TLK1: variants seen among roughly 807,000 people sequenced by gnomAD.
TLK1 encodes serine/threonine-protein kinase tousled-like 1.
A neutral mutation model predicts 105.3 loss-of-function variants in TLK1; 24 were observed. The ratio of observed to expected loss-of-function variants is 0.23; its 90% CI spans 0.17 to 0.32. The LOEUF (loss-of-function observed/expected upper bound fraction) is 0.32. Among genes scored for constraint, TLK1 ranks in the 10% least tolerant of loss-of-function variants. The pLI is 1.00. For synonymous variants in TLK1, 321 were observed against 310.4 expected (o/e 1.03, Z -0.36); for missense variants, 558 against 910.5 (o/e 0.61, Z 4.98).
chr2:171,098,418 G>T (rs1453180714), intron 2 of TLK1, among the ~76,000 whole-genome samples: 2 of 152,030 alleles, frequency 1.3e-5, no homozygotes, highest in African/African-American at 4.8e-5. Context: ...TAGAAAGGTA[G>T]AAATAAATAA....
At chr2:171,073,870 A>AT (rs917739767) in intron 3 of TLK1, among the ~76,000 whole-genome samples, 2 of 63,218 alleles carry the variant, frequency 3.2e-5, no homozygotes, top group African/African-American at 7.2e-5. Context: ...TAAACTTAAC[A>AT]TTCCCCCCCC....
At chr2:171,167,112 G>C (rs1692624537) in intron 1 of TLK1, among the ~76,000 whole-genome samples, 1 of 152,178 alleles carries the variant, frequency 6.6e-6, no homozygotes, top group African/African-American at 2.4e-5. Flanking sequence ...GGAACTCAGA[G>C]GGACTTCAAA....
At chr2:171,140,346 A>G (rs990632185) in intron 1 of TLK1, among the ~76,000 whole-genome samples, 1 of 152,254 alleles carries the variant, frequency 6.6e-6, no homozygotes, top group Non-Finnish European at 1.5e-5. Flanking sequence ...CTCTACTTCT[A>G]GAGATCAGGC....
chr2:171,054,797 C>A (rs939230718), intron 7 of TLK1: 7 of 206,806 alleles, frequency 3.4e-5, no homozygotes, highest in Non-Finnish European at 6.7e-5. Context: ...AAAAATACAG[C>A]AGTTTCACAA....
At chr2:171,144,329 G>C (rs1242097026) in intron 1 of TLK1, among the ~76,000 whole-genome samples, 1 of 151,872 alleles carries the variant, frequency 6.6e-6, no homozygotes, top group Non-Finnish European at 1.5e-5. Context: ...AGATGGAAAA[G>C]ACAGCTAGAG....
chr2:171,228,456 T>G (rs1389179357), intron 1 of TLK1, among the ~76,000 whole-genome samples: 2 of 151,998 alleles, frequency 1.3e-5, no homozygotes, highest in Non-Finnish European at 2.9e-5. Flanking sequence ...GAGGCTGAGG[T>G]GGGAGGACTG....
chr2:171,171,069 C>A (rs10204062), intron 1 of TLK1, among the ~76,000 whole-genome samples: 72,007 of 152,066 alleles, frequency 0.47, 19,391 homozygotes, highest in African/African-American at 0.74. Context: ...CTTAAAAAAT[C>A]TAAAAATATT....
At chr2:171,030,794 CA>C (rs1258391410) in intron 11 of TLK1, among the ~76,000 whole-genome samples, 4 of 151,968 alleles carry the variant, frequency 2.6e-5, no homozygotes, top group Non-Finnish European at 5.9e-5. Context: ...TACTGAATTA[CA>C]AAACAGCTAA....
At chr2:171,222,017 A>C (rs1451821186) in intron 1 of TLK1, among the ~76,000 whole-genome samples, 1 of 152,262 alleles carries the variant, frequency 6.6e-6, no homozygotes, top group Non-Finnish European at 1.5e-5. Context: ...TCTTATAGTC[A>C]GTCAGGATTG....
At chr2:171,153,016 T>G (rs1692102938) in intron 1 of TLK1, among the ~76,000 whole-genome samples, 1 of 115,704 alleles carries the variant, frequency 8.6e-6, no homozygotes, top group African/African-American at 5.2e-5. Context: ...CACACGTGTA[T>G]AAAAACTCAT....
intron 3 of TLK1, among the ~76,000 whole-genome samples, chr2:171,067,132 T>G (rs867118055): frequency 7.9e-5 from 12 of 151,294 alleles, no homozygotes; most frequent in Non-Finnish European, 2.9e-5. Context: ...TAAATGTAAA[T>G]GCTGTATCAC....
intron 11 of TLK1, among the ~76,000 whole-genome samples, chr2:171,029,719 C>G (rs1406841935): frequency 6.6e-6 from 1 of 152,102 alleles, no homozygotes; most frequent in Non-Finnish European, 1.5e-5. Flanking sequence ...TATTACCTGA[C>G]TTTGAAAAGT....
At chr2:171,118,429 G>C (rs1690521898) in intron 1 of TLK1, among the ~76,000 whole-genome samples, 1 of 152,084 alleles carries the variant, frequency 6.6e-6, no homozygotes, top group Non-Finnish European at 1.5e-5. Flanking sequence ...ATAAAGAACT[G>C]TTTTATTATT....
At chr2:171,125,742 G>GT (rs1690842149) in intron 1 of TLK1, among the ~76,000 whole-genome samples, 1 of 152,090 alleles carries the variant, frequency 6.6e-6, no homozygotes, top group Non-Finnish European at 1.5e-5. Flanking sequence ...ATTTCAACAG[G>GT]TTTTGGGGGA....
At chr2:171,144,080 G>T (rs893043452) in intron 1 of TLK1, among the ~76,000 whole-genome samples, 5 of 151,412 alleles carry the variant, frequency 3.3e-5, no homozygotes, top group Non-Finnish European at 7.4e-5. Context: ...TGTTTTGAGA[G>T]GTCAAGAGAA....
At chr2:171,108,080 C>CA (rs1491412460) in intron 2 of TLK1, among the ~76,000 whole-genome samples, 3,707 of 62,868 alleles carry the variant, frequency 0.059, 174 homozygotes, top group African/African-American at 0.28. Flanking sequence ...ACAACAACAA[C>CA]AACAACAAAA....
At chr2:171,212,775 CCT>C (rs1168751844) in intron 1 of TLK1, among the ~76,000 whole-genome samples, 1 of 152,066 alleles carries the variant, frequency 6.6e-6, no homozygotes, top group African/African-American at 2.4e-5. Flanking sequence ...AGTCAGAGCC[CCT>C]GTTAATCAGG....
At chr2:171,187,078 A>AAAAAAAG (rs1693042625) in intron 1 of TLK1, among the ~76,000 whole-genome samples, 8 of 127,386 alleles carry the variant, frequency 6.3e-5, no homozygotes, top group African/African-American at 1.1e-4. Flanking sequence ...AAAAAAAAAA[A>AAAAAAAG]AAAAAGAAAA....
chr2:171,191,482 G>C (rs1285149559), intron 1 of TLK1, among the ~76,000 whole-genome samples: 1 of 152,118 alleles, frequency 6.6e-6, no homozygotes, highest in Non-Finnish European at 1.5e-5. Context: ...CAGGGACTGG[G>C]GCAGTAGGAT....
Sources: gnomAD v4.1 joint callset for allele counts (sites outside exome capture counted in the v4.1 genomes callset) on GRCh38, gnomAD v4.1.1 for gene constraint, MANE v1.5 for transcripts, NCBI Gene and HGNC (gene_info 2026-07-23, HGNC 2026-07-21) for gene names.